Variants in SMARCA4 observed in about 807,000 individuals in gnomAD.
SMARCA4 encodes the protein SWI/SNF related BAF chromatin remodeling complex subunit ATPase 4, also known as SWI/SNF-related matrix-associated actin-dependent regulator of chromatin subfamily A member 4.
Under a neutral mutation model 193.9 loss-of-function variants are expected in SMARCA4, and 31 were observed. The observed-to-expected ratio is 0.16, with a 90% confidence interval of 0.12 to 0.22. SMARCA4 has a LOEUF of 0.22. SMARCA4 is among the 10% of genes least tolerant of loss of function. SMARCA4 has a pLI of 1.00. For synonymous variants in SMARCA4, 942 were observed against 933.1 expected (o/e 1.01, Z -0.17); for missense variants, 1,148 against 2,296.0 (o/e 0.50, Z 10.22).
At chr19:11,008,135 C>A in intron 14 of SMARCA4, 112 bp downstream of exon 14, 1 of 1,126,214 alleles carries the variant, frequency 8.9e-7, no homozygotes, top group Admixed American at 2.0e-5. Context: ...GTCCAGCCAG[C>A]TGCTACTGTG....
intron 1 of SMARCA4, among the ~76,000 whole-genome samples, chr19:10,964,984 G>T (rs929111948): frequency 4.6e-5 from 7 of 152,258 alleles, no homozygotes; most frequent in African/African-American, 1.7e-4. Flanking sequence ...TTCCACAAGG[G>T]TTGTCAAGTC....
Position 11,041,485 on chromosome 19 carries a change from A to C in SMARCA4, c.4349A>C (p.Lys1450Thr), listed in dbSNP as rs2146820644. The C allele has an allele frequency of 6.2e-7, 1 of 1,613,844 alleles. No individual in the cohort carries two copies. The highest frequency in any genetic ancestry group is 8.5e-7 in the Non-Finnish European group (1 of 1,179,996). ...AAGCGCGGGCGGCCGCCTGCCGAGA[A>C]ACTCTCCCCTAACCCACCCAACCTC... Reference protein sequence around the residue: ...QKKRGRPPAEKLSPNPPNLTK... With the variant: ...QKKRGRPPAETLSPNPPNLTK... Residue 1450 changes from lysine (K) to threonine (T), a missense_variant, in exon 30 of 35, where the codon AAA (lysine) becomes ACA (threonine). Lys to Thr is a moderately conservative substitution (Grantham distance 78, BLOSUM62 -1). Transcript: ENST00000344626. The surrounding 1 kb of genome is among the most constrained non-coding windows in gnomAD (Gnocchi z 5.6).
intron 23 of SMARCA4, among the ~76,000 whole-genome samples, chr19:11,026,774 C>T (rs951618995): frequency 7.9e-5 from 12 of 152,282 alleles, no homozygotes; most frequent in Admixed American, 5.9e-4. Context: ...GCTGGAATTA[C>T]AGGTGTGAGC....
At chr19:11,042,978 A>G (rs1268141294) in intron 30 of SMARCA4, among the ~76,000 whole-genome samples, 2 of 152,102 alleles carry the variant, frequency 1.3e-5, no homozygotes, top group Non-Finnish European at 2.9e-5. Flanking sequence ...GCCCACTCCA[A>G]AAACAAAATA....
At chr19:11,028,018 C>T (rs2146549729) in intron 24 of SMARCA4, 68 bp downstream of exon 24, 2 of 1,528,228 alleles carry the variant, frequency 1.3e-6, no homozygotes, top group Non-Finnish European at 1.8e-6. Context: ...AAGCTCCTCA[C>T]TGGCATTCCC....
At position 11,019,372 on chromosome 19, in the gene SMARCA4, C is replaced by T. The variant is rs2089655615; in HGVS notation, c.2506-219C>T. The stretch of plus-strand genomic sequence containing the variant: ...CGTGGTTCCCTCAGGCCCCGGCCGC[C>T]GCTGGCCTGCACTGCTTCCTCTTCC... On this transcript the variant is annotated intron_variant, in intron 17 of 34. Coordinates refer to ENST00000344626, the MANE Select transcript of SMARCA4 (RefSeq NM_003072.5). The surrounding 1 kb of genome is among the most constrained non-coding windows in gnomAD (Gnocchi z 6.1). The T allele has an allele frequency of 1.5e-5, 9 of 609,932 alleles. No homozygotes were observed. Among genetic ancestry groups the T allele is most frequent in the South Asian group, 5.8e-5 (3 of 51,900 alleles). The allele number at this position is 609,932 out of a possible 1,614,324, so 37.8% of individuals were successfully genotyped here. A position where few individuals can be genotyped will look rare whatever the true frequency, so the allele number is the denominator to read the frequency against.
At chr19:10,976,335 T>TAC (rs908337883) in intron 1 of SMARCA4, among the ~76,000 whole-genome samples, 1 of 152,112 alleles carries the variant, frequency 6.6e-6, no homozygotes, top group Non-Finnish European at 1.5e-5. Flanking sequence ...ATCCAGCTTC[T>TAC]ACAGGGCTGG....
At chr19:10,965,016 G>C (rs1188720388) in intron 1 of SMARCA4, among the ~76,000 whole-genome samples, 1 of 152,160 alleles carries the variant, frequency 6.6e-6, no homozygotes, top group Non-Finnish European at 1.5e-5. Flanking sequence ...TTTGACTCCT[G>C]GTTTTGTCTT....
At position 11,058,945 on chromosome 19, in the gene SMARCA4, C is replaced by G. The variant is rs561365284; in HGVS notation, c.4635+56C>G. 7.2e-4 allele frequency: 959 copies of G among 1,324,898 alleles called. No homozygotes were observed. The highest frequency in any genetic ancestry group is 8.6e-4 in the Non-Finnish European group (789 of 922,520). 82.1% of individuals were successfully genotyped at this position (1,324,898 alleles called of 1,614,324 possible). On this transcript the variant is annotated intron_variant, in intron 32 of 34. Coordinates refer to ENST00000344626, the MANE Select transcript of SMARCA4 (RefSeq NM_003072.5). This position sits in a 1 kb window ranked among gnomAD's most constrained non-coding sequence, Gnocchi z 5.8. ...CCACTCCCACAGCTGGGCTTTGACC[C>G]AACCCGCCCCTCCTTCCCTTCTGAA...
rs2146677983 is a variant in SMARCA4 at position 11,034,139 on chromosome 19, C to T, written c.3890C>T (p.Pro1297Leu). 6.2e-7 allele frequency: 1 copy of T among 1,613,692 alleles called. No individual in the cohort carries two copies. ...ATCTTATAGGAGGAAGACGAGGTGC[C>T]CGACGACGAGACCGTCAACCAGATG... ...EPPLKEEDEV[P>L]DDETVNQMIA... Residue 1297 changes from proline to leucine, a missense_variant, in exon 28 of 35, where the codon CCC becomes CTC. By Grantham distance (98) the Pro-to-Leu change is moderately conservative. This residue lies in a region of SMARCA4 where 84 missense variants were observed against 202.2 expected (regional missense o/e 0.42). Transcript: ENST00000344626. This position sits in a 1 kb window ranked among gnomAD's most constrained non-coding sequence, Gnocchi z 7.0.
rs376562928 is a variant in SMARCA4 at position 11,008,009 on chromosome 19, G to T, written c.2109G>T (p.Ala703=). Residue 703 remains alanine (A), a synonymous_variant, in exon 14 of 35, where the codon GCG becomes GCT. Coordinates refer to ENST00000344626, the MANE Select transcript of SMARCA4 (RefSeq NM_003072.5). ...PDSDDVSEVD[A]RHIIENAKQD... ...GCGATGACGTCTCTGAGGTGGACGCGCGGCACATCATTGAGTAAGGGGTCC... is the reference window on the plus strand; with the variant it reads ...GCGATGACGTCTCTGAGGTGGACGCTCGGCACATCATTGAGTAAGGGGTCC... 1.0e-4 allele frequency: 161 copies of T among 1,613,186 alleles called. No homozygotes were observed. The highest frequency in any genetic ancestry group is 1.3e-4 in the Non-Finnish European group (150 of 1,179,564).
intron 1 of SMARCA4, among the ~76,000 whole-genome samples, chr19:10,967,385 A>G (rs932471479): frequency 2.6e-5 from 4 of 152,034 alleles, no homozygotes; most frequent in Non-Finnish European, 4.4e-5. Context: ...ATCTCAGCTC[A>G]CTGCAAGCTC....
rs878854200 is a variant in SMARCA4, at chr19:10,994,822, C to T, written c.1420-6C>T. 1.9e-6 allele frequency: 3 copies of T among 1,613,598 alleles called. No individual in the cohort carries two copies. The African/African-American group carries it at 4.0e-5, about 22-fold the overall frequency. ...GGTCAGCCTTCTCTTTTGTGCTTTC[C>T]TGCAGGAATACCTCAATAGCATTCT... On this transcript the variant is annotated splice_polypyrimidine_tract_variant and splice_region_variant and intron_variant, in intron 8 of 34. Coordinates refer to ENST00000344626, the MANE Select transcript of SMARCA4 (RefSeq NM_003072.5).
At chr19:11,003,004 T>A (rs2146093141) in intron 11 of SMARCA4, 25 bp from the exon 12 acceptor site, 2 of 1,613,832 alleles carry the variant, frequency 1.2e-6, no homozygotes, top group Non-Finnish European at 1.7e-6. Flanking sequence ...GCAACCTCAG[T>A]GTCACACGAA....
chr19:10,979,803 T>C (rs1459146179), intron 1 of SMARCA4, among the ~76,000 whole-genome samples: 1 of 152,048 alleles, frequency 6.6e-6, no homozygotes, highest in Admixed American at 6.6e-5. Context: ...GAAGCCACAG[T>C]GATAGTCAAA....
intron 1 of SMARCA4, among the ~76,000 whole-genome samples, chr19:10,982,000 C>T (rs2145687099): frequency 6.6e-6 from 1 of 151,980 alleles, no homozygotes; most frequent in East Asian, 1.9e-4. Context: ...AAACAAAAAC[C>T]CCTACCTTTC....
rs1285373982 is a variant in SMARCA4, at chr19:11,030,942, C to CA, written c.3546+53dup. ...TCGAGGAGAAGGAAGGGGGTGCCTG[C>CA]AAAACCTCGAGGAGACGGCCCTGGC... On this transcript the variant is annotated intron_variant, in intron 25 of 34. Transcript: ENST00000344626. This position sits in a 1 kb window ranked among gnomAD's most constrained non-coding sequence, Gnocchi z 5.5. The CA allele has an allele frequency of 6.4e-7, 1 of 1,563,064 alleles. No individual in the cohort carries two copies. Among genetic ancestry groups the CA allele is most frequent in the Non-Finnish European group, 8.7e-7 (1 of 1,146,498 alleles).
In SMARCA4 at chr19:10,996,529, T is replaced by C. The variant is rs2145981322; in HGVS notation, c.1797T>C (p.Ile599=). ...ATGCAGAAGGACAGACGCCTGCCAT[T>C]GGGCCGGATGGCGAGGTGAGGAAGC... The part of the protein sequence containing the change: ...AENAEGQTPA[I]GPDGEPLDET... Residue 599 remains isoleucine (I), a synonymous_variant, in exon 11 of 35, where the codon ATT becomes ATC. Transcript: ENST00000344626. The C allele has an allele frequency of 6.2e-7, 1 of 1,614,200 alleles. No individual in the cohort carries two copies. Among genetic ancestry groups the C allele is most frequent in the Non-Finnish European group, 8.5e-7 (1 of 1,179,996 alleles).
chr19:11,045,988 C>T (rs2075883895), intron 30 of SMARCA4, among the ~76,000 whole-genome samples: 1 of 152,138 alleles, frequency 6.6e-6, no homozygotes, highest in Admixed American at 6.5e-5. Flanking sequence ...CTTTGGGAGG[C>T]TGAGGCGAGC....
Sources: gnomAD v4.1 joint callset for allele counts (sites outside exome capture counted in the v4.1 genomes callset) on GRCh38, gnomAD v4.1.1 for gene constraint, gnomAD v4.1.1 regional missense constraint, Gnocchi (gnomAD v3.1) non-coding constraint, MANE v1.5 for transcripts, NCBI Gene and HGNC (gene_info 2026-07-23, HGNC 2026-07-21) for gene names.